KIFC3: variants seen among roughly 807,000 people sequenced by gnomAD.
The protein encoded by KIFC3 is kinesin-like protein KIFC3.
Under a neutral mutation model 101.8 loss-of-function variants are expected in KIFC3, and 60 were observed. The ratio of observed to expected loss-of-function variants is 0.59; its 90% CI spans 0.48 to 0.73. KIFC3 has a LOEUF of 0.73. KIFC3 is among the 30% of genes least tolerant of loss of function. The pLI is 0.00. For synonymous variants in KIFC3, 476 were observed against 482.7 expected (o/e 0.99, Z 0.18); for missense variants, 966 against 1,137.1 (o/e 0.85, Z 2.16).
chr16:57,854,583 G>A (rs79888756), intron 1 of KIFC3, among the ~76,000 whole-genome samples: 8,390 of 150,290 alleles, frequency 0.056, 538 homozygotes, highest in East Asian at 0.21. Context: ...AGTTGAGATC[G>A]CGCCACTCCA....
chr16:57,845,959 G>A (rs561799511), intron 1 of KIFC3, among the ~76,000 whole-genome samples: 3 of 152,274 alleles, frequency 2.0e-5, no homozygotes, highest in South Asian at 4.1e-4. Context: ...GAAAGGAAGG[G>A]GCTGCCCCAG....
In KIFC3 at chr16:57,765,486, G is replaced by T; in HGVS notation, c.1485C>A (p.Val495=). The change falls in exon 11 of 20, where the codon GTC becomes GTA. Residue 495 remains valine, a synonymous_variant. Transcript: ENST00000445690. The part of the protein sequence containing the change: ...GKPVSFELDK[V]FSPQASQQDV... ...CCTGCTGCGAGGCCTGTGGGGAGAA[G>T]ACCTTGTCCAGCTCGAAGGACACAG... 1 of 1,587,690 alleles carries T rather than the reference G, an allele frequency of 6.3e-7. No individual in the cohort carries two copies. Among genetic ancestry groups the T allele is most frequent in the East Asian group, 2.3e-5 (1 of 44,100 alleles).
At chr16:57,761,952 ACTCCCTTCAGGAAGACCCCACTTCCTAT>A in intron 13 of KIFC3, among the ~76,000 whole-genome samples, 160 bp downstream of exon 13, 1 of 151,350 alleles carries the variant, frequency 6.6e-6, no homozygotes. Flanking sequence ...TGGTCCCTAC[ACTCCCTTCAGGAAGACCCCACTTCCTAT>A]CCCCCATTGC....
At chr16:57,765,680 T>C (rs2050407611) in intron 10 of KIFC3, 40 bp from the exon 11 acceptor site, 3 of 1,556,918 alleles carry the variant, frequency 1.9e-6, no homozygotes, top group Non-Finnish European at 2.6e-6. Context: ...CCAGGCCATG[T>C]CAAGACCAGT....
At chr16:57,760,144 A>G (rs2049661167) in intron 17 of KIFC3, 138 bp downstream of exon 17, 3 of 1,041,012 alleles carry the variant, frequency 2.9e-6, no homozygotes, top group Non-Finnish European at 2.8e-6. Flanking sequence ...TGTGGGTTCC[A>G]GCCGTAGCTC....
chr16:57,813,588 C>T (rs1404332764), intron 1 of KIFC3: 2 of 718,322 alleles, frequency 2.8e-6, no homozygotes, highest in Non-Finnish European at 3.4e-6. Context: ...TCTGAGAATC[C>T]CAGCCCTGGG....
At chr16:57,801,855 A>T (rs1253160087) in intron 1 of KIFC3, among the ~76,000 whole-genome samples, 1 of 152,220 alleles carries the variant, frequency 6.6e-6, no homozygotes, top group African/African-American at 2.4e-5. Flanking sequence ...TGCGGCTGTC[A>T]ATGGCCCGAT....
Position 57,765,500 on chromosome 16 carries a change from C to A in KIFC3, c.1471G>T (p.Glu491Ter). Residue 491 changes from glutamate to a stop codon, truncating the protein, a stop_gained, in exon 11 of 20, where the codon GAG becomes TAG. Coordinates refer to ENST00000445690, the MANE Select transcript of KIFC3 (RefSeq NM_001130100.2). LOFTEE classifies it high-confidence loss of function. Reference protein sequence around the residue: ...LLHKGKPVSFELDKVFSPQAS... With the variant: ...LLHKGKPVSF ...TGTGGGGAGAAGACCTTGTCCAGCT[C>A]GAAGGACACAGGCTTGCCCTTGTGC... 1 of 1,589,880 alleles carries A rather than the reference C, an allele frequency of 6.3e-7. No homozygotes were observed. The highest frequency in any genetic ancestry group is 2.3e-5 in the East Asian group (1 of 44,194).
intron 12 of KIFC3, among the ~76,000 whole-genome samples, chr16:57,763,308 C>G (rs1198932936): frequency 6.6e-6 from 1 of 152,158 alleles, no homozygotes; most frequent in Non-Finnish European, 1.5e-5. Context: ...GAGCGGGGAG[C>G]CCAGAGGATG....
In KIFC3 at chr16:57,769,562, G is replaced by T; in HGVS notation, c.1218+33C>A. 1 of 1,593,492 alleles carries T rather than the reference G, an allele frequency of 6.3e-7. No individual in the cohort carries two copies. Among genetic ancestry groups the T allele is most frequent in the Non-Finnish European group, 8.5e-7 (1 of 1,171,810 alleles). ...GTGCCTCTCCCAGTGCACCCCCTTA[G>T]CCTGGACCCTCCCACCCACTGCCCT... On this transcript the variant is annotated intron_variant, in intron 9 of 19. Coordinates refer to ENST00000445690, the MANE Select transcript of KIFC3 (RefSeq NM_001130100.2). The surrounding 1 kb of genome is among the most constrained non-coding windows in gnomAD (Gnocchi z 4.3).
chr16:57,862,849 AC>A lies in KIFC3; in HGVS notation c.-14del, dbSNP rs1448939826. 4.8e-6 allele frequency: 6 copies of A among 1,243,582 alleles called. No individual in the cohort carries two copies. In the African/African-American group the frequency reaches 9.2e-5, roughly 19 times the overall value. The allele number at this position is 1,243,582 out of a possible 1,614,324, so 77.0% of individuals were successfully genotyped here. On this transcript the variant is annotated 5_prime_UTR_variant, in exon 1 of 3. Coordinates refer to the KIFC3 transcript ENST00000563028. ...CCATCTGTGCCATTTTCCGAGCAAT[AC>A]GTTTTACTGGGTTGTCCTGTAGCCT...
intron 1 of KIFC3, among the ~76,000 whole-genome samples, chr16:57,814,746 G>A (rs1036379804): frequency 6.6e-6 from 1 of 151,864 alleles, no homozygotes; most frequent in African/African-American, 2.4e-5. Context: ...GTGTCTCAGC[G>A]TCCCAAGTAG....
At chr16:57,852,825 C>G (rs2056085373) in intron 1 of KIFC3, among the ~76,000 whole-genome samples, 1 of 152,156 alleles carries the variant, frequency 6.6e-6, no homozygotes, top group South Asian at 2.1e-4. Flanking sequence ...CTATATTCCA[C>G]TTAAAGGGAT....
At chr16:57,781,343 G>A (rs995297295) in intron 3 of KIFC3, among the ~76,000 whole-genome samples, 1 of 152,200 alleles carries the variant, frequency 6.6e-6, no homozygotes, top group Non-Finnish European at 1.5e-5. Context: ...AGTGAGGTCT[G>A]GGCAGCATGT....
At chr16:57,805,634 A>G (rs574210702), upstream of KIFC3, among the ~76,000 whole-genome samples, 6 of 150,188 alleles carry the variant, frequency 4.0e-5, no homozygotes, top group Non-Finnish European at 5.9e-5. Flanking sequence ...CTTTGTGTTC[A>G]GACAAGATCA....
intron 3 of KIFC3, among the ~76,000 whole-genome samples, chr16:57,780,767 C>T (rs1371245540): frequency 4.0e-5 from 6 of 149,252 alleles, no homozygotes; most frequent in African/African-American, 7.4e-5. Context: ...CTCCACCTCC[C>T]GGGTTCAAGC....
rs557908316 is a variant in KIFC3 at position 57,847,116 on chromosome 16, C to T, written c.108+15613G>A. Among the ~76,000 whole-genome samples, 98 of 150,422 alleles carry T rather than the reference C, an allele frequency of 6.5e-4. 1 individual carries two copies. The Middle Eastern group carries it at 0.01, about 16-fold the overall frequency. ...ATGAGAATCTCTTGAACACGGGAGG[C>T]GGGGGTTACAGTGAGCCAGATGGCA... On this transcript the variant is annotated intron_variant, in intron 1 of 2. Coordinates refer to the KIFC3 transcript ENST00000563028.
chr16:57,823,918 C>G (rs1025333368), intron 1 of KIFC3, among the ~76,000 whole-genome samples: 1 of 152,080 alleles, frequency 6.6e-6, no homozygotes, highest in Non-Finnish European at 1.5e-5. Context: ...TGAGCCACCA[C>G]GCCCAGCCTA....
At chr16:57,808,009 C>T (rs1377568929), upstream of KIFC3, 6 of 147,296 alleles carry the variant, frequency 4.1e-5, no homozygotes, top group African/African-American at 1.5e-4. Flanking sequence ...GCTTTAAAAT[C>T]CAAATGGTGG....
Sources: gnomAD v4.1 joint callset for allele counts (sites outside exome capture counted in the v4.1 genomes callset) on GRCh38, gnomAD v4.1.1 for gene constraint, Gnocchi (gnomAD v3.1) non-coding constraint, MANE v1.5 for transcripts, NCBI Gene and HGNC (gene_info 2026-07-23, HGNC 2026-07-21) for gene names.